Variants in LINGO2 observed in about 807,000 individuals in gnomAD.
The protein encoded by LINGO2 is leucine-rich repeat and immunoglobulin-like domain-containing nogo receptor-interacting protein 2.
Under a neutral mutation model 30.6 loss-of-function variants are expected in LINGO2, and 14 were observed. The ratio of observed to expected loss-of-function variants is 0.46; its 90% CI spans 0.30 to 0.72. LINGO2 has a LOEUF of 0.72. Among genes scored for constraint, LINGO2 ranks in the 30% least tolerant of loss-of-function variants. The pLI is 0.07. For missense variants in LINGO2, 729 were observed against 751.7 expected (o/e 0.97, Z 0.35); for synonymous variants, 317 against 288.5 (o/e 1.10, Z -1.00).
intron 4 of LINGO2, among the ~76,000 whole-genome samples, chr9:28,090,502 C>CAA (rs1826047562): frequency 6.6e-6 from 1 of 152,082 alleles, no homozygotes; most frequent in Admixed American, 6.6e-5. Context: ...AGGCCTTTGA[C>CAA]AAAATTCAAC....
At chr9:28,274,187 A>G (rs1337728030) in intron 4 of LINGO2, among the ~76,000 whole-genome samples, 1 of 152,214 alleles carries the variant, frequency 6.6e-6, no homozygotes, top group Non-Finnish European at 1.5e-5. Context: ...TTCTAACCAT[A>G]TCAAAATAAT....
chr9:28,182,270 A>T (rs2133716637), intron 4 of LINGO2, among the ~76,000 whole-genome samples: 1 of 152,298 alleles, frequency 6.6e-6, no homozygotes, highest in South Asian at 2.1e-4. Context: ...TATGCAGAAA[A>T]CTGAAACTGA....
At chr9:28,987,743 T>C in the LINGO2 span, among the ~76,000 whole-genome samples, 17 of 152,304 alleles carry the variant, frequency 1.1e-4, no homozygotes, top group South Asian at 3.3e-3. Context: ...CATATTTTCA[T>C]TTCCATTCAT....
the LINGO2 span, among the ~76,000 whole-genome samples, chr9:29,123,755 A>T: frequency 6.6e-6 from 1 of 152,204 alleles, no homozygotes; most frequent in East Asian, 1.9e-4. Flanking sequence ...TGAACATAAA[A>T]CTAATAAAAC....
chr9:27,946,532 T>C (rs1823370562), downstream of LINGO2, among the ~76,000 whole-genome samples: 1 of 152,176 alleles, frequency 6.6e-6, no homozygotes, highest in South Asian at 2.1e-4. Flanking sequence ...CTCTTATTAA[T>C]TGCTCAATGT....
chr9:28,605,241 A>C (rs2135760517), intron 1 of LINGO2, among the ~76,000 whole-genome samples: 1 of 152,176 alleles, frequency 6.6e-6, no homozygotes, highest in East Asian at 1.9e-4. Flanking sequence ...AGTTGAAATA[A>C]AATATATTAT....
At chr9:28,521,523 T>C (rs571106951) in intron 1 of LINGO2, among the ~76,000 whole-genome samples, 1 of 152,320 alleles carries the variant, frequency 6.6e-6, no homozygotes, top group East Asian at 1.9e-4. Flanking sequence ...CAATTAGTCA[T>C]GTTCTTCCCC....
the LINGO2 span, among the ~76,000 whole-genome samples, chr9:28,729,331 G>A: frequency 2.6e-5 from 4 of 152,072 alleles, no homozygotes; most frequent in Admixed American, 6.6e-5. Flanking sequence ...CTAAGTTTTT[G>A]TAAGTTAATC....
chr9:28,005,892 T>TC (rs1231706050), intron 5 of LINGO2, among the ~76,000 whole-genome samples: 2 of 152,124 alleles, frequency 1.3e-5, no homozygotes, highest in Non-Finnish European at 2.9e-5. Context: ...GGCCCAGTAT[T>TC]CCTTCTTTGT....
chr9:28,107,608 C>G (rs572520016), intron 4 of LINGO2, among the ~76,000 whole-genome samples: 2 of 152,068 alleles, frequency 1.3e-5, no homozygotes, highest in Non-Finnish European at 1.5e-5. Flanking sequence ...ACATTTACCT[C>G]TATTAGTTAT....
chr9:28,213,484 G>T (rs1168364411), intron 4 of LINGO2, among the ~76,000 whole-genome samples: 2 of 151,242 alleles, frequency 1.3e-5, no homozygotes, highest in African/African-American at 4.8e-5. Flanking sequence ...TCTTCTGCCT[G>T]GTTTTCTAAT....
At chr9:28,553,606 T>C (rs1486338301) in intron 1 of LINGO2, among the ~76,000 whole-genome samples, 1 of 151,944 alleles carries the variant, frequency 6.6e-6, no homozygotes, top group East Asian at 1.9e-4. Flanking sequence ...TTCCTCAACC[T>C]AGCAAGGCAG....
chr9:28,910,394 T>G, the LINGO2 span, among the ~76,000 whole-genome samples: 4 of 152,062 alleles, frequency 2.6e-5, no homozygotes, highest in Non-Finnish European at 4.4e-5. Context: ...TCTCTTTAGA[T>G]ACAGTGTAGC....
At chr9:29,003,946 A>T in the LINGO2 span, among the ~76,000 whole-genome samples, 1 of 152,020 alleles carries the variant, frequency 6.6e-6, no homozygotes, top group Admixed American at 6.6e-5. Context: ...TATCTATTTC[A>T]TGATCTACAA....
chr9:28,943,134 G>A, the LINGO2 span, among the ~76,000 whole-genome samples: 1 of 152,138 alleles, frequency 6.6e-6, no homozygotes, highest in Non-Finnish European at 1.5e-5. Context: ...AAGGGCTAAG[G>A]TAAAGACGCA....
At chr9:28,445,567 T>A (rs866009542) in intron 2 of LINGO2, among the ~76,000 whole-genome samples, 2 of 142,810 alleles carry the variant, frequency 1.4e-5, no homozygotes, top group Non-Finnish European at 3.2e-5. Flanking sequence ...AAAATTGTTA[T>A]TTTTTTTACA....
the LINGO2 span, among the ~76,000 whole-genome samples, chr9:28,971,130 G>A: frequency 6.6e-6 from 1 of 152,092 alleles, no homozygotes; most frequent in Admixed American, 6.6e-5. Flanking sequence ...GACGCACCCT[G>A]GGCAAGAAGA....
At chr9:28,617,575 G>A (rs138475417) in intron 1 of LINGO2, among the ~76,000 whole-genome samples, 1,567 of 152,160 alleles carry the variant, frequency 0.01, 25 homozygotes, top group African/African-American at 0.032. Flanking sequence ...GATTACAGGC[G>A]TGAGCCACCG....
chr9:28,141,413 G>T (rs1827668497), intron 4 of LINGO2, among the ~76,000 whole-genome samples: 1 of 152,204 alleles, frequency 6.6e-6, no homozygotes, highest in Non-Finnish European at 1.5e-5. Context: ...GGGACGCTCA[G>T]TGTTCAGCAA....
Sources: gnomAD v4.1 joint callset for allele counts (sites outside exome capture counted in the v4.1 genomes callset) on GRCh38, gnomAD v4.1.1 for gene constraint, MANE v1.5 for transcripts, NCBI Gene and HGNC (gene_info 2026-07-23, HGNC 2026-07-21) for gene names.